Variants in RAP1B observed in about 807,000 individuals in gnomAD.
RAP1B encodes RAP1B, member of RAS oncogene family.
In RAP1B, 1 loss-of-function variant was observed where a neutral mutation model predicts 27.5. The observed-to-expected ratio is 0.04, with a 90% CI of 0.01 to 0.17. The LOEUF (loss-of-function observed/expected upper bound fraction) is 0.17. Among genes scored for constraint, RAP1B ranks in the 10% least tolerant of loss-of-function variants. The pLI is 1.00. For missense variants in RAP1B, 84 were observed against 214.8 expected, an observed-to-expected ratio of 0.39 and a Z score of 3.81; for synonymous variants, 75 against 73.1, an observed-to-expected ratio of 1.03 and a Z score of -0.13.
Position 68,661,282 on chromosome 12 carries a change from T to C in RAP1B, c.*2033T>C, listed in dbSNP as rs1336278229. ...CCAAAAAACTGGGACTGTGAAACAC[T>C]AAAATTACTTCAATTTACTATGTCC... is the stretch of plus-strand genomic sequence containing the variant. On this transcript the variant is annotated 3_prime_UTR_variant, in exon 8 of 8. Transcript: ENST00000250559. 2 of 152,182 alleles carry C rather than the reference T, an allele frequency of 1.3e-5. No homozygotes were observed. Among genetic ancestry groups the C allele is most frequent in the Non-Finnish European group, 2.9e-5 (2 of 68,026 alleles). The allele number at this position is 152,182 out of a possible 1,614,324, so 9.4% of individuals were successfully genotyped here. A position where few individuals can be genotyped will look rare whatever the true frequency, so the allele number is the denominator to read the frequency against.
At chr12:68,642,668 C>T (rs894286009) in intron 1 of RAP1B, 7 of 1,138,238 alleles carry the variant, frequency 6.1e-6, no homozygotes, top group Non-Finnish European at 9.3e-6. Context: ...TTCTACAATC[C>T]TGGCCTTTGA....
In RAP1B at chr12:68,665,789, G is replaced by A. The variant is rs1874820695; in HGVS notation, c.*6540G>A. ...AGTACCAGGTCTATGTATATCTGCA[G>A]CAACTATAAAGTCTGTTTCAGAGTC... is the stretch of plus-strand genomic sequence containing the variant. On this transcript the variant is annotated 3_prime_UTR_variant, in exon 8 of 8. Transcript: ENST00000250559. 6.6e-6 allele frequency: 1 copy of A among 151,992 alleles called. No individual in the cohort carries two copies. The highest frequency in any genetic ancestry group is 1.9e-4 in the East Asian group (1 of 5,192). The allele number at this position is 151,992 out of a possible 1,614,324, so 9.4% of individuals were successfully genotyped here.
At chr12:68,613,120 C>G (rs1488201182) in intron 1 of RAP1B, among the ~76,000 whole-genome samples, 1 of 151,896 alleles carries the variant, frequency 6.6e-6, no homozygotes, top group African/African-American at 2.4e-5. Context: ...TTTGGGAGGC[C>G]GAGCCGAGGA....
intron 7 of RAP1B, among the ~76,000 whole-genome samples, chr12:68,658,492 T>C (rs543321943): frequency 4.1e-4 from 63 of 152,340 alleles, no homozygotes; most frequent in Middle Eastern, 3.4e-3. Flanking sequence ...TAACAACTCT[T>C]CTGGAGCTTG....
At chr12:68,638,115 G>GT (rs1474264434) in intron 1 of RAP1B, among the ~76,000 whole-genome samples, 1 of 152,132 alleles carries the variant, frequency 6.6e-6, no homozygotes, top group Non-Finnish European at 1.5e-5. Flanking sequence ...TGGCTTTAAT[G>GT]TTTTATAGTA....
In RAP1B at chr12:68,638,435, C is replaced by T. The variant is rs540417801; in HGVS notation, c.-26-10264C>T. On this transcript the variant is annotated intron_variant, in intron 1 of 7. Transcript: ENST00000250559. ...GTTGCATCTTGTCCTGGTTGAGTGCCCACTAGTCTTAATGGATTTTCCCAG... is the reference window on the plus strand; with the variant it reads ...GTTGCATCTTGTCCTGGTTGAGTGCTCACTAGTCTTAATGGATTTTCCCAG... Among the ~76,000 whole-genome samples the T allele has an allele frequency of 5.9e-5, 9 of 152,108 alleles. No individual in the cohort carries two copies. The East Asian group carries it at 1.7e-3, about 29-fold the overall frequency.
rs950868257 is a variant in RAP1B, at chr12:68,660,619, C to G, written c.*1370C>G. 8 of 152,598 alleles carry G rather than the reference C, an allele frequency of 5.2e-5. No homozygotes were observed. The highest frequency in any genetic ancestry group is 1.9e-4 in the African/African-American group (8 of 41,452). The allele number at this position is 152,598 out of a possible 1,614,324, so 9.5% of individuals were successfully genotyped here. A position where few individuals can be genotyped will look rare whatever the true frequency, so the allele number is the denominator to read the frequency against. On this transcript the variant is annotated 3_prime_UTR_variant, in exon 8 of 8. Transcript: ENST00000250559. ...TTTTAATTGTAATAGGTGCATTTTA[C>G]ACAGCATGGTTTCATAATTTAACAT...
At chr12:68,650,647 C>A in intron 3 of RAP1B, 179 bp downstream of exon 3, 1 of 481,540 alleles carries the variant, frequency 2.1e-6, no homozygotes, top group South Asian at 5.4e-5. Flanking sequence ...TCATAAACAC[C>A]CATACTCTCA....
chr12:68,656,260 T>C (rs920056949), intron 5 of RAP1B, 46 bp from the exon 6 acceptor site: 2 of 1,504,366 alleles, frequency 1.3e-6, no homozygotes, highest in African/African-American at 1.4e-5. Context: ...TGAATTCATA[T>C]AGCATATTTA....
At chr12:68,634,893 G>A (rs527350466) in intron 1 of RAP1B, among the ~76,000 whole-genome samples, 44 of 152,242 alleles carry the variant, frequency 2.9e-4, no homozygotes, top group African/African-American at 9.6e-4. Flanking sequence ...TTTACTAGCA[G>A]TATTAATCCA....
chr12:68,657,326 G>T, intron 7 of RAP1B, 109 bp downstream of exon 7: 1 of 653,032 alleles, frequency 1.5e-6, no homozygotes, highest in Non-Finnish European at 2.7e-6. Flanking sequence ...AAAATAAATG[G>T]TTTATTTTTA....
At position 68,646,302 on chromosome 12, in the gene RAP1B, G is replaced by GT. The variant is rs1387360865; in HGVS notation, c.-26-2386dup. Among the ~76,000 whole-genome samples, 553 of 146,180 alleles carry GT rather than the reference G, an allele frequency of 3.8e-3. 3 individuals are homozygous for GT. The highest frequency in any genetic ancestry group is 9.5e-3 in the African/African-American group (380 of 40,136). On this transcript the variant is annotated intron_variant, in intron 1 of 7. Transcript: ENST00000250559. ...CATCACTACAACCAGTTTTTGGTGT[G>GT]TTTTTTTTTTTGAGATGGAGTGTTG...
chr12:68,659,131 G>C, intron 7 of RAP1B, 149 bp from the exon 8 acceptor site: 2 of 362,482 alleles, frequency 5.5e-6, no homozygotes, highest in Non-Finnish European at 1.1e-5. Context: ...GCCGTGAATT[G>C]TGGTATGTTG....
intron 1 of RAP1B, among the ~76,000 whole-genome samples, chr12:68,631,372 G>T (rs1275380982): frequency 1.3e-5 from 2 of 152,084 alleles, no homozygotes; most frequent in Admixed American, 1.3e-4. Context: ...TGCTTACCAT[G>T]CCTAGATGTA....
At position 68,663,451 on chromosome 12, in the gene RAP1B, A is replaced by G. The variant is rs907743726; in HGVS notation, c.*4202A>G. 3.3e-5 allele frequency: 5 copies of G among 152,198 alleles called. No homozygotes were observed. The highest frequency in any genetic ancestry group is 7.2e-5 in the African/African-American group (3 of 41,448). 9.4% of individuals were successfully genotyped at this position (152,198 alleles called of 1,614,324 possible). On this transcript the variant is annotated 3_prime_UTR_variant, in exon 8 of 8. Transcript: ENST00000250559. ...AAACTTTATATATGTTTCCTTAACT[A>G]TTGGGAGGAAAATGGATGAGTCTGT...
chr12:68,612,256 C>G (rs1327153893), intron 1 of RAP1B, among the ~76,000 whole-genome samples: 1 of 152,124 alleles, frequency 6.6e-6, no homozygotes, highest in Non-Finnish European at 1.5e-5. Flanking sequence ...TTTCAGCTCT[C>G]TTTTTTCGTA....
chr12:68,630,610 A>G (rs1474540463), intron 1 of RAP1B, among the ~76,000 whole-genome samples: 2 of 152,106 alleles, frequency 1.3e-5, no homozygotes, highest in Admixed American at 6.6e-5. Context: ...GTCATGAGGT[A>G]TTTAACCCTT....
chr12:68,617,534 T>C (rs1313789358), intron 1 of RAP1B, among the ~76,000 whole-genome samples: 2 of 152,234 alleles, frequency 1.3e-5, no homozygotes, highest in African/African-American at 4.8e-5. Context: ...ATATGTCTTT[T>C]TGACGTTCTT....
At chr12:68,654,311 G>A in intron 5 of RAP1B, 59 bp downstream of exon 5, 11 of 777,538 alleles carry the variant, frequency 1.4e-5, no homozygotes, top group Admixed American at 4.1e-5. Flanking sequence ...AATTGTTTAA[G>A]TCTAAATTTA....
Sources: allele counts gnomAD v4.1 joint callset (sites outside exome capture counted in the v4.1 genomes callset), GRCh38; gene constraint gnomAD v4.1.1; transcripts MANE v1.5; gene names NCBI Gene and HGNC (gene_info 2026-07-23, HGNC 2026-07-21).